LDB2: variants seen among roughly 807,000 people sequenced by gnomAD.
LDB2 encodes the protein LIM domain binding 2, also known as LIM domain-binding protein 2.
Under a neutral mutation model 44.3 loss-of-function variants are expected in LDB2, and 12 were observed. The ratio of observed to expected loss-of-function variants is 0.27; its 90% confidence interval spans 0.17 to 0.44. LDB2 has a LOEUF of 0.44. LDB2 is among the 20% of genes least tolerant of loss of function. The pLI, the probability that LDB2 is intolerant of heterozygous loss-of-function variation, is 1.00. For missense variants in LDB2, 344 were observed against 473.5 expected, an observed-to-expected ratio of 0.73 and a Z score of 2.54; for synonymous variants, 164 against 174.8, an observed-to-expected ratio of 0.94 and a Z score of 0.49.
At chr4:16,832,568 C>T (rs1784249560) in intron 1 of LDB2, among the ~76,000 whole-genome samples, 1 of 152,188 alleles carries the variant, frequency 6.6e-6, no homozygotes, top group South Asian at 2.1e-4. Flanking sequence ...ATTCTAAGCA[C>T]ATTGACACTA....
At chr4:16,719,923 C>A (rs1020047076) in intron 2 of LDB2, among the ~76,000 whole-genome samples, 6 of 152,040 alleles carry the variant, frequency 3.9e-5, no homozygotes. Flanking sequence ...TGACACTAAA[C>A]AACTTGAAGC....
chr4:16,559,222 T>A (rs1472611626), intron 5 of LDB2, among the ~76,000 whole-genome samples: 2 of 152,068 alleles, frequency 1.3e-5, no homozygotes, highest in Non-Finnish European at 2.9e-5. Context: ...CAATATTAAC[T>A]TTAAATGTAA....
intron 2 of LDB2, among the ~76,000 whole-genome samples, chr4:16,726,714 C>T (rs533320340): frequency 1.3e-5 from 2 of 152,270 alleles, no homozygotes; most frequent in African/African-American, 2.4e-5. Context: ...TGGCCATTTC[C>T]AATCAAACAG....
intron 5 of LDB2, among the ~76,000 whole-genome samples, chr4:16,554,978 T>C (rs937086253): frequency 6.6e-6 from 1 of 152,096 alleles, no homozygotes; most frequent in African/African-American, 2.4e-5. Flanking sequence ...GCCACATTGG[T>C]GGGGGATGCT....
At chr4:16,539,087 CAA>C (rs144689457) in intron 5 of LDB2, among the ~76,000 whole-genome samples, 8,464 of 152,200 alleles carry the variant, frequency 0.056, 338 homozygotes, top group South Asian at 0.13. Flanking sequence ...GATATGTAGG[CAA>C]AGTTTCACAC....
intron 2 of LDB2, among the ~76,000 whole-genome samples, chr4:16,739,589 A>T (rs7700218): frequency 0.77 from 49,454 of 63,850 alleles, 20,411 homozygotes; most frequent in Middle Eastern, 0.83. Context: ...AAAAAAAAAA[A>T]ATATATATAT....
At chr4:16,844,523 T>G (rs1786565270) in intron 1 of LDB2, among the ~76,000 whole-genome samples, 1 of 152,210 alleles carries the variant, frequency 6.6e-6, no homozygotes, top group Non-Finnish European at 1.5e-5. Context: ...TTGTCTGTTA[T>G]TTTTCTCTTA....
chr4:16,780,544 A>AGGT (rs1351309663), intron 1 of LDB2, among the ~76,000 whole-genome samples: 1 of 152,140 alleles, frequency 6.6e-6, no homozygotes, highest in Non-Finnish European at 1.5e-5. Context: ...TGTTAGATAT[A>AGGT]GGTGGCTCCA....
chr4:16,692,411 CTAG>C (rs1750998096), intron 2 of LDB2, among the ~76,000 whole-genome samples: 1 of 152,162 alleles, frequency 6.6e-6, no homozygotes, highest in African/African-American at 2.4e-5. Flanking sequence ...AGGGATGTAT[CTAG>C]TCTAAAATCT....
chr4:16,745,102 A>T (rs898661941), intron 2 of LDB2, among the ~76,000 whole-genome samples: 1 of 152,222 alleles, frequency 6.6e-6, no homozygotes, highest in Non-Finnish European at 1.5e-5. Context: ...ATTTGAAGCC[A>T]AGCTTGTCTG....
intron 2 of LDB2, among the ~76,000 whole-genome samples, chr4:16,672,079 T>C (rs980343389): frequency 2.0e-5 from 3 of 152,138 alleles, no homozygotes; most frequent in African/African-American, 7.2e-5. Flanking sequence ...CCATGACCCT[T>C]TACTGAGCAC....
At chr4:16,792,671 A>G (rs150606293) in intron 1 of LDB2, among the ~76,000 whole-genome samples, 1 of 152,322 alleles carries the variant, frequency 6.6e-6, no homozygotes, top group Non-Finnish European at 1.5e-5. Flanking sequence ...CTGGACAGAT[A>G]AATGTGAAAA....
At chr4:16,760,984 G>A (rs1054504987) in intron 1 of LDB2, among the ~76,000 whole-genome samples, 1 of 151,474 alleles carries the variant, frequency 6.6e-6, no homozygotes, top group African/African-American at 2.4e-5. Flanking sequence ...TCCACAGTAC[G>A]AATCCACTTC....
At chr4:16,839,394 AAC>A (rs1785456920) in intron 1 of LDB2, among the ~76,000 whole-genome samples, 1 of 152,186 alleles carries the variant, frequency 6.6e-6, no homozygotes, top group Non-Finnish European at 1.5e-5. Flanking sequence ...TGTGGGAACT[AAC>A]AGATTGACAA....
At chr4:16,879,032 T>C (rs1719263733) in intron 1 of LDB2, among the ~76,000 whole-genome samples, 1 of 152,238 alleles carries the variant, frequency 6.6e-6, no homozygotes, top group Non-Finnish European at 1.5e-5. Flanking sequence ...TTAATTGCTG[T>C]ACAGCCCCCT....
chr4:16,518,199 C>G (rs1168853310), intron 5 of LDB2, among the ~76,000 whole-genome samples: 1 of 152,176 alleles, frequency 6.6e-6, no homozygotes, highest in African/African-American at 2.4e-5. Flanking sequence ...TGCTTTTCAT[C>G]TGACAGTTCT....
At chr4:16,879,662 T>A (rs1399679296) in intron 1 of LDB2, among the ~76,000 whole-genome samples, 1 of 152,194 alleles carries the variant, frequency 6.6e-6, no homozygotes, top group East Asian at 1.9e-4. Flanking sequence ...TACCACCAGC[T>A]TTCTTGGGTC....
At chr4:16,529,928 T>C (rs1560378566) in intron 5 of LDB2, among the ~76,000 whole-genome samples, 1 of 152,188 alleles carries the variant, frequency 6.6e-6, no homozygotes, top group East Asian at 1.9e-4. Flanking sequence ...CTTTATGCCC[T>C]CTGGAGCAGT....
chr4:16,744,761 A>G (rs1764050210), intron 2 of LDB2, among the ~76,000 whole-genome samples: 1 of 152,028 alleles, frequency 6.6e-6, no homozygotes, highest in Admixed American at 6.6e-5. Flanking sequence ...CAGGCCTGAG[A>G]CACCGCGCCC....
Sources: allele counts gnomAD v4.1 joint callset (sites outside exome capture counted in the v4.1 genomes callset), GRCh38; gene constraint gnomAD v4.1.1; transcripts MANE v1.5; gene names NCBI Gene and HGNC (gene_info 2026-07-23, HGNC 2026-07-21).